The following PPP2R1A variants were observed in gnomAD, a reference collection of about 807,000 sequenced individuals.
PPP2R1A encodes the protein serine/threonine-protein phosphatase 2A 65 kDa regulatory subunit A alpha isoform.
Under a neutral mutation model 67.1 loss-of-function variants are expected in PPP2R1A, and 15 were observed. The observed-to-expected ratio is 0.22, with a 90% confidence interval of 0.15 to 0.34. The LOEUF (loss-of-function observed/expected upper bound fraction) is 0.34. Among genes scored for constraint, PPP2R1A ranks in the 10% least tolerant of loss-of-function variants. PPP2R1A has a pLI of 1.00. For missense variants in PPP2R1A, 369 were observed against 775.0 expected (o/e 0.48, Z 6.22); for synonymous variants, 337 against 325.0 (o/e 1.04, Z -0.40).
chr19:52,220,108 G>C, intron 10 of PPP2R1A, 81 bp from the exon 11 acceptor site: 1 of 1,480,780 alleles, frequency 6.8e-7, no homozygotes, highest in Non-Finnish European at 9.4e-7. Flanking sequence ...GGTGGGTGTA[G>C]GTTCCATGGG....
At position 52,227,655 on chromosome 19, in the gene PPP2R1A, A is replaced by G. The variant is rs556135329; in HGVS notation, c.*1674A>G. ...GTGATTTCACCAGCTCAGCCTTCAT[A>G]TTACCACATCCCTACCCTTTGTTAG... On this transcript the variant is annotated 3_prime_UTR_variant, in exon 15 of 15. Coordinates refer to ENST00000322088, the MANE Select transcript of PPP2R1A (RefSeq NM_014225.6). 7.9e-5 allele frequency: 12 copies of G among 151,466 alleles called. No homozygotes were observed. The East Asian group carries it at 2.3e-3, about 29-fold the overall frequency. The allele number at this position is 151,466 out of a possible 1,614,324, so 9.4% of individuals were successfully genotyped here. A position where few individuals can be genotyped will look rare whatever the true frequency, so the allele number is the denominator to read the frequency against.
Position 52,213,253 on chromosome 19 carries a change from C to T in PPP2R1A, c.807+143C>T, listed in dbSNP as rs1029190622. 8.4e-6 allele frequency: 9 copies of T among 1,073,872 alleles called. No individual in the cohort carries two copies. The East Asian group carries it at 8.7e-5, about 10-fold the overall frequency. 66.5% of individuals were successfully genotyped at this position (1,073,872 alleles called of 1,614,324 possible). A position where few individuals can be genotyped will look rare whatever the true frequency, so the allele number is the denominator to read the frequency against. ...TAAGATCTCTATGATCATCTAACTG[C>T]GTCTCGCTTCGTGTGCCAATCCTGG... On this transcript the variant is annotated intron_variant, in intron 6 of 14. Coordinates refer to ENST00000322088, the MANE Select transcript of PPP2R1A (RefSeq NM_014225.6). The surrounding 1 kb of genome is among the most constrained non-coding windows in gnomAD (Gnocchi z 4.2).
chr19:52,218,502 G>A (rs763332769), intron 9 of PPP2R1A, among the ~76,000 whole-genome samples: 12 of 152,012 alleles, frequency 7.9e-5, no homozygotes, highest in South Asian at 2.1e-4. Flanking sequence ...AGTTAATTAC[G>A]TCAGTTGCTA....
intron 1 of PPP2R1A, among the ~76,000 whole-genome samples, chr19:52,195,219 C>G (rs1269909804): frequency 3.3e-5 from 5 of 152,128 alleles, no homozygotes; most frequent in Admixed American, 2.6e-4. Context: ...TATTTATTAA[C>G]TCACCACAGA....
chr19:52,204,100 G>A (rs1440422798), intron 2 of PPP2R1A, among the ~76,000 whole-genome samples: 1 of 152,202 alleles, frequency 6.6e-6, no homozygotes, highest in Non-Finnish European at 1.5e-5. Flanking sequence ...CACCAGCCAT[G>A]TGGAACTCTG....
chr19:52,201,558 GTTA>G, intron 1 of PPP2R1A: 1 of 185,878 alleles, frequency 5.4e-6, no homozygotes, highest in South Asian at 1.1e-4. Flanking sequence ...GAGGAAGCGT[GTTA>G]TAAACGTGGC....
intron 1 of PPP2R1A, among the ~76,000 whole-genome samples, chr19:52,200,040 G>A (rs954588147): frequency 5.9e-5 from 9 of 152,138 alleles, no homozygotes; most frequent in Admixed American, 5.9e-4. Context: ...CTCCTGGACC[G>A]GAGAACCCAA....
intron 2 of PPP2R1A, among the ~76,000 whole-genome samples, chr19:52,202,563 T>C (rs1356104120): frequency 6.6e-6 from 1 of 152,186 alleles, no homozygotes; most frequent in Admixed American, 6.5e-5. Flanking sequence ...TTTAAGCAGG[T>C]AATACTGCTG....
chr19:52,224,109 ACACCATTTATGT>A (rs1791781758), intron 13 of PPP2R1A, among the ~76,000 whole-genome samples: 1 of 152,198 alleles, frequency 6.6e-6, no homozygotes, highest in Non-Finnish European at 1.5e-5. Flanking sequence ...TCAAGAAAAC[ACACCATTTATGT>A]CAAGTTCAGA....
intron 3 of PPP2R1A, among the ~76,000 whole-genome samples, chr19:52,207,537 A>G (rs2089616817): frequency 1.3e-5 from 2 of 152,204 alleles, no homozygotes; most frequent in South Asian, 4.1e-4. Context: ...TTTGGGAAGC[A>G]GTTCCCTGTG....
chr19:52,201,106 A>G (rs1461390533), intron 1 of PPP2R1A: 1 of 151,314 alleles, frequency 6.6e-6, no homozygotes, highest in Non-Finnish European at 1.5e-5. Context: ...GACCGTTTTG[A>G]CGTGCACGTC....
chr19:52,204,412 T>C (rs529552545), intron 2 of PPP2R1A, among the ~76,000 whole-genome samples: 2 of 152,162 alleles, frequency 1.3e-5, no homozygotes, highest in East Asian at 3.9e-4. Flanking sequence ...GCTGTTGCAG[T>C]CTCCCAGGCG....
In PPP2R1A at chr19:52,212,837, A is replaced by G; in HGVS notation, c.651+4A>G. 1 of 1,594,130 alleles carries G rather than the reference A, an allele frequency of 6.3e-7. No homozygotes were observed. The highest frequency in any genetic ancestry group is 1.7e-4 in the Middle Eastern group (1 of 5,942). On this transcript the variant is annotated splice_donor_region_variant and intron_variant, in intron 5 of 14. Coordinates refer to ENST00000322088, the MANE Select transcript of PPP2R1A (RefSeq NM_014225.6). This position sits in a 1 kb window ranked among gnomAD's most constrained non-coding sequence, Gnocchi z 4.1. The stretch of plus-strand genomic sequence containing the variant: ...CAACCTGGCCTCTGACGAGCAGGTG[A>G]GTTTTGCTTCCTGGCCCTCTGCTCT...
chr19:52,202,159 G>A (rs1457854505), intron 2 of PPP2R1A, 125 bp downstream of exon 2: 23 of 798,794 alleles, frequency 2.9e-5, no homozygotes, highest in Non-Finnish European at 4.3e-5. Flanking sequence ...AGACACTATG[G>A]AGTGGGAAAA....
chr19:52,222,817 C>T (rs1283723137), intron 13 of PPP2R1A, among the ~76,000 whole-genome samples: 1 of 152,188 alleles, frequency 6.6e-6, no homozygotes, highest in Non-Finnish European at 1.5e-5. Flanking sequence ...GTGGAGGTTG[C>T]AGTGAGCTGA....
rs1236257228 is a variant in PPP2R1A at position 52,228,117 on chromosome 19, G to A, written c.*2136G>A. 1 of 152,194 alleles carries A rather than the reference G, an allele frequency of 6.6e-6. No individual in the cohort carries two copies. The highest frequency in any genetic ancestry group is 1.5e-5 in the Non-Finnish European group (1 of 68,058). The allele number at this position is 152,194 out of a possible 1,614,324, so 9.4% of individuals were successfully genotyped here. A position where few individuals can be genotyped will look rare whatever the true frequency, so the allele number is the denominator to read the frequency against. ...GAGGATGTGCTATGGCTCAGAGGTGGGGTCTACAATTGGACATGTGTATGT... is the reference window on the plus strand; with the variant it reads ...GAGGATGTGCTATGGCTCAGAGGTGAGGTCTACAATTGGACATGTGTATGT... On this transcript the variant is annotated 3_prime_UTR_variant, in exon 15 of 15. Coordinates refer to ENST00000322088, the MANE Select transcript of PPP2R1A (RefSeq NM_014225.6).
intron 3 of PPP2R1A, among the ~76,000 whole-genome samples, chr19:52,207,841 G>T (rs1168989042): frequency 6.6e-6 from 1 of 152,094 alleles, no homozygotes; most frequent in Non-Finnish European, 1.5e-5. Flanking sequence ...ATCCTCAGAG[G>T]GCTCCTGGTT....
intron 3 of PPP2R1A, among the ~76,000 whole-genome samples, chr19:52,208,502 AT>A (rs779687423): frequency 2.8e-5 from 4 of 143,836 alleles, no homozygotes; most frequent in Non-Finnish European, 4.5e-5. Flanking sequence ...AGCTCTTTTT[AT>A]TTTTATTTTT....
chr19:52,204,521 A>T (rs746125044), intron 2 of PPP2R1A, among the ~76,000 whole-genome samples: 2 of 152,146 alleles, frequency 1.3e-5, no homozygotes, highest in East Asian at 3.9e-4. Context: ...TTCTCTGTGG[A>T]TTGGTGGAAA....
Sources: gnomAD v4.1 joint callset for allele counts (sites outside exome capture counted in the v4.1 genomes callset) on GRCh38, gnomAD v4.1.1 for gene constraint, Gnocchi (gnomAD v3.1) non-coding constraint, MANE v1.5 for transcripts, NCBI Gene and HGNC (gene_info 2026-07-23, HGNC 2026-07-21) for gene names.